The following HSP90AB1 variants were observed in gnomAD, a reference collection of about 807,000 sequenced individuals.
HSP90AB1 encodes heat shock protein HSP 90-beta.
Under a neutral mutation model 67.8 loss-of-function variants are expected in HSP90AB1, and 17 were observed. The ratio of observed to expected loss-of-function variants is 0.25; its 90% CI spans 0.17 to 0.38. The LOEUF is 0.38. Ranked by LOEUF, HSP90AB1 falls within the 10% of genes least tolerant of loss-of-function variation. The pLI, the probability that HSP90AB1 is intolerant of heterozygous loss-of-function variation, is 1.00. For synonymous variants in HSP90AB1, 390 were observed against 312.9 expected (o/e 1.25, Z -2.60); for missense variants, 690 against 899.9 (o/e 0.77, Z 2.98).
At chr6:44,252,703 A>G (rs916343178) in intron 10 of HSP90AB1, among the ~76,000 whole-genome samples, 2 of 151,822 alleles carry the variant, frequency 1.3e-5, no homozygotes, top group Admixed American at 1.3e-4. Context: ...TCATCGCGTT[A>G]GCCAGGATGG....
Position 44,250,018 on chromosome 6 carries a change from T to C in HSP90AB1, c.515-3T>C. 1 of 1,614,108 alleles carries C rather than the reference T, an allele frequency of 6.2e-7. No homozygotes were observed. The highest frequency in any genetic ancestry group is 8.5e-7 in the Non-Finnish European group (1 of 1,179,946). On this transcript the variant is annotated splice_polypyrimidine_tract_variant and splice_region_variant and intron_variant, in intron 4 of 11. Transcript: ENST00000371646. ...GTTACACGCTTGTAATTGACTCTTC[T>C]AGGTGAGCCCATTGGCAGGGGTACC...
chr6:44,253,570 A>T lies in HSP90AB1; in HGVS notation c.2147A>T (p.Asp716Val). The T allele has an allele frequency of 1.2e-6, 2 of 1,614,052 alleles. No homozygotes were observed. The highest frequency in any genetic ancestry group is 1.7e-6 in the Non-Finnish European group (2 of 1,179,920). Residue 716 changes from aspartate (D) to valine (V), a missense_variant, in exon 12 of 12, where the codon GAT becomes GTT. By Grantham distance (152) the Asp-to-Val change is radical. Around this residue, in one of 7 missense-constraint regions of HSP90AB1, gnomAD observed 120 missense variants for 153.5 expected, o/e 0.78. Coordinates refer to ENST00000371646, the MANE Select transcript of HSP90AB1 (RefSeq NM_007355.4). ...ATCCCCCCTCTCGAGGGCGATGAGG[A>T]TGCGTCTCGCATGGAAGAAGTCGAT... The part of the protein sequence containing the change: ...DEIPPLEGDE[D>V]ASRMEEVD
rs368744687 is a variant in HSP90AB1, at chr6:44,252,347, G to C, written c.1731+80G>C. On this transcript the variant is annotated intron_variant, in intron 10 of 11. Coordinates refer to ENST00000371646, the MANE Select transcript of HSP90AB1 (RefSeq NM_007355.4). ...TCACAAGCATGTTTCTATACAATTA[G>C]TGGTTTGAGGCAGCCTATTTACTGT... 374 of 1,299,586 alleles carry C rather than the reference G, an allele frequency of 2.9e-4. 1 individual carries two copies. Among genetic ancestry groups the C allele is most frequent in the Non-Finnish European group, 3.6e-4 (331 of 924,572 alleles). 80.5% of individuals were successfully genotyped at this position (1,299,586 alleles called of 1,614,324 possible).
intron 7 of HSP90AB1, 22 bp downstream of exon 7, chr6:44,251,235 T>C: frequency 6.2e-7 from 1 of 1,613,172 alleles, no homozygotes; most frequent in East Asian, 2.2e-5. Context: ...CTTGGCCTAA[T>C]TTAGTTGGGT....
rs763985677 is a variant in HSP90AB1 at position 44,252,273 on chromosome 6, C to T, written c.1731+6C>T. ...TAGATAAGAAGGTTGAGAAGGTAAGCCATTCTGGGGCTAGGATATATTTTG... is the reference window on the plus strand; with the variant it reads ...TAGATAAGAAGGTTGAGAAGGTAAGTCATTCTGGGGCTAGGATATATTTTG... On this transcript the variant is annotated splice_donor_region_variant and intron_variant, in intron 10 of 11. Coordinates refer to ENST00000371646, the MANE Select transcript of HSP90AB1 (RefSeq NM_007355.4). 1.2e-6 allele frequency: 2 copies of T among 1,612,174 alleles called. No individual in the cohort carries two copies. The highest frequency in any genetic ancestry group is 2.2e-5 in the East Asian group (1 of 44,872).
chr6:44,249,519 A>T lies in HSP90AB1; in HGVS notation c.290A>T (p.Asp97Val). 6.2e-7 allele frequency: 1 copy of T among 1,614,170 alleles called. No homozygotes were observed. The highest frequency in any genetic ancestry group is 1.3e-5 in the African/African-American group (1 of 75,050). The change falls in exon 3 of 12, where the codon GAT (aspartate) becomes GTT (valine). Residue 97 changes from aspartate to valine, a missense_variant. Physicochemically the swap from Asp to Val is radical, Grantham distance 152 (BLOSUM62 -3). Transcript: ENST00000371646. ...VDTGIGMTKA[D>V]LINNLGTIAK... ...ACAGGCATTGGCATGACCAAAGCTG[A>T]TCTCATAAATAATTTGGGAACCATT...
chr6:44,250,762 C>T (rs1171278488), intron 6 of HSP90AB1, among the ~76,000 whole-genome samples, 163 bp downstream of exon 6: 2 of 152,216 alleles, frequency 1.3e-5, no homozygotes, highest in Non-Finnish European at 2.9e-5. Flanking sequence ...AGTGAAGTGC[C>T]ATCATTTCTA....
chr6:44,250,076 A>C lies in HSP90AB1; in HGVS notation c.570A>C (p.Thr190=). The C allele has an allele frequency of 1.1e-5, 18 of 1,614,178 alleles. No individual in the cohort carries two copies. Among genetic ancestry groups the C allele is most frequent in the Non-Finnish European group, 1.5e-5 (18 of 1,179,984 alleles). The change falls in exon 5 of 12, where the codon ACA becomes ACC. Residue 190 remains threonine, a synonymous_variant. Transcript: ENST00000371646. ...KVILHLKEDQ[T]EYLEERRVKE... is the part of the protein sequence containing the mutation. ...TCCTCCATCTTAAAGAAGATCAGAC[A>C]GAGTACCTAGAAGAGAGGCGGGTCA...
At chr6:44,246,919 G>A (rs34033524), upstream of HSP90AB1, among the ~76,000 whole-genome samples, 212 of 152,318 alleles carry the variant, frequency 1.4e-3, 2 homozygotes, top group African/African-American at 4.6e-3. Context: ...GCAAATGTGT[G>A]GGCGGATCCG....
In HSP90AB1 at chr6:44,253,300, C is replaced by T. The variant is rs748208141; in HGVS notation, c.1987C>T (p.Leu663=). ...DLVVLLFETA[L]LSSGFSLEDP... The stretch of plus-strand genomic sequence containing the variant: ...GGTGGTGCTGCTGTTTGAAACCGCC[C>T]TGCTATCTTCTGGCTTTTCCCTTGA... Residue 663 remains leucine, a synonymous_variant, in exon 11 of 12, where the codon CTG becomes TTG. Transcript: ENST00000371646. 1.2e-5 allele frequency: 19 copies of T among 1,614,222 alleles called. No homozygotes were observed. The highest frequency in any genetic ancestry group is 1.5e-5 in the Non-Finnish European group (18 of 1,180,040).
In HSP90AB1 at chr6:44,253,656, A is replaced by G; in HGVS notation, c.*58A>G. 1 of 1,311,896 alleles carries G rather than the reference A, an allele frequency of 7.6e-7. No homozygotes were observed. Among genetic ancestry groups the G allele is most frequent in the Non-Finnish European group, 1.1e-6 (1 of 904,094 alleles). The allele number at this position is 1,311,896 out of a possible 1,614,324, so 81.3% of individuals were successfully genotyped here. The stretch of plus-strand genomic sequence containing the variant: ...TTGTATAGTGTCCCCATGGGCTCCC[A>G]CTGCAGCCTCGAGTGCCCCTGTCCC... On this transcript the variant is annotated 3_prime_UTR_variant, in exon 12 of 12. Transcript: ENST00000371646.
Position 44,253,758 on chromosome 6 carries a change from T to C in HSP90AB1, c.*160T>C. On this transcript the variant is annotated 3_prime_UTR_variant, in exon 12 of 12. Coordinates refer to ENST00000371646, the MANE Select transcript of HSP90AB1 (RefSeq NM_007355.4). ...TGTTGAAGGCAGTAAACTAAGGGTGTCAAGCCCCATTCCCTCTCTACTCTT... is the reference window on the plus strand; with the variant it reads ...TGTTGAAGGCAGTAAACTAAGGGTGCCAAGCCCCATTCCCTCTCTACTCTT... 1.3e-6 allele frequency: 1 copy of C among 779,502 alleles called. No individual in the cohort carries two copies. The highest frequency in any genetic ancestry group is 1.4e-5 in the South Asian group (1 of 73,776). 48.3% of individuals were successfully genotyped at this position (779,502 alleles called of 1,614,324 possible).
rs753789449 is a variant in HSP90AB1 at position 44,250,331 on chromosome 6, CAGAGGAAGAGAAAGGTGAGAAAGA to C, written c.699_722del (p.Glu233_Glu240del). ...GAGAAGGAAATTAGTGATGATGAGG[CAGAGGAAGAGAAAGGTGAGAAAGA>C]AGAGGAAGATAAAGATGATGAAGAA... On this transcript the variant is annotated inframe_deletion, in exon 6 of 12. Transcript: ENST00000371646. 1.2e-6 allele frequency: 2 copies of C among 1,613,492 alleles called. No homozygotes were observed. The highest frequency in any genetic ancestry group is 1.7e-6 in the Non-Finnish European group (2 of 1,179,778).
Position 44,249,787 on chromosome 6 carries a change from C to T in HSP90AB1, c.467C>T (p.Ala156Val), listed in dbSNP as rs11538970. Residue 156 changes from alanine to valine, a missense_variant, in exon 4 of 12, where the codon GCT becomes GTT. Transcript: ENST00000371646. The stretch of plus-strand genomic sequence containing the variant: ...AAGCACAACGATGATGAACAGTATG[C>T]TTGGGAGTCTTCTGCTGGAGGTTCC... The part of the protein sequence containing the change: ...ITKHNDDEQY[A>V]WESSAGGSFT... 6.2e-7 allele frequency: 1 copy of T among 1,613,366 alleles called. No individual in the cohort carries two copies. Among genetic ancestry groups the T allele is most frequent in the Non-Finnish European group, 8.5e-7 (1 of 1,179,576 alleles).
At chr6:44,246,347 C>T (rs1779901406), upstream of HSP90AB1, 1 of 152,330 alleles carries the variant, frequency 6.6e-6, no homozygotes, top group Non-Finnish European at 1.5e-5. Flanking sequence ...TCGGACAGGT[C>T]AGAGCGGGTC....
chr6:44,246,480 C>G (rs1779920284), upstream of HSP90AB1: 1 of 153,814 alleles, frequency 6.5e-6, no homozygotes, highest in Non-Finnish European at 1.4e-5. Flanking sequence ...AGTGCCGCCG[C>G]CGCGCCTTCC....
rs766284895 is a variant in HSP90AB1 at position 44,249,843 on chromosome 6, G to C, written c.514+9G>C. On this transcript the variant is annotated intron_variant, in intron 4 of 11. Coordinates refer to ENST00000371646, the MANE Select transcript of HSP90AB1 (RefSeq NM_007355.4). ...TGTGCGTGCTGACCATGGTAAGTTA[G>C]CTTTTCTGTTACAAGGTAGTTGGGT... The C allele has an allele frequency of 4.4e-6, 7 of 1,601,472 alleles. 1 individual carries two copies. Among genetic ancestry groups the C allele is most frequent in the Middle Eastern group, 3.3e-4 (2 of 6,002 alleles).
At position 44,251,044 on chromosome 6, in the gene HSP90AB1, T is replaced by C. The variant is rs903581272; in HGVS notation, c.958-4T>C. ...ATGTACCACTTATTTTTGGTTTCTT[T>C]CAGCACTTTTCTGTAGAAGGTCAGT... On this transcript the variant is annotated splice_region_variant and splice_polypyrimidine_tract_variant and intron_variant, in intron 6 of 11. Transcript: ENST00000371646. The C allele has an allele frequency of 6.2e-7, 1 of 1,613,774 alleles. No homozygotes were observed. The highest frequency in any genetic ancestry group is 8.5e-7 in the Non-Finnish European group (1 of 1,179,794).
intron 1 of HSP90AB1, among the ~76,000 whole-genome samples, chr6:44,247,616 C>T (rs1013393307): frequency 3.3e-5 from 5 of 152,294 alleles, no homozygotes; most frequent in African/African-American, 4.8e-5. Context: ...GCTTTGTCAC[C>T]TCTCTTATCG....
Sources: allele counts gnomAD v4.1 joint callset (sites outside exome capture counted in the v4.1 genomes callset), GRCh38; gene constraint gnomAD v4.1.1; regional missense constraint gnomAD v4.1.1; transcripts MANE v1.5; gene names NCBI Gene and HGNC (gene_info 2026-07-23, HGNC 2026-07-21).